The following GNPTAB variants were observed in gnomAD, a reference collection of about 807,000 sequenced individuals.
GNPTAB encodes the protein N-acetylglucosamine-1-phosphotransferase subunits alpha/beta.
Under a neutral mutation model 136.6 loss-of-function variants are expected in GNPTAB, and 92 were observed. The observed-to-expected ratio is 0.67, with a 90% CI of 0.57 to 0.80. The LOEUF is 0.80. Ranked by LOEUF, GNPTAB falls within the 30% of genes least tolerant of loss-of-function variation. The pLI, the probability that GNPTAB is intolerant of heterozygous loss-of-function variation, is 0.00. For missense variants in GNPTAB, 1,343 were observed against 1,501.8 expected (o/e 0.89, Z 1.75); for synonymous variants, 512 against 535.1 (o/e 0.96, Z 0.60).
At chr12:101,820,918 G>A (rs377566500) in intron 1 of GNPTAB, among the ~76,000 whole-genome samples, 16 of 152,116 alleles carry the variant, frequency 1.1e-4, no homozygotes, top group East Asian at 7.7e-4. Flanking sequence ...GTTGCTGGGC[G>A]TGGCAGTGCA....
intron 16 of GNPTAB, among the ~76,000 whole-genome samples, chr12:101,758,953 T>A (rs2137108962): frequency 6.6e-6 from 1 of 152,348 alleles, no homozygotes; most frequent in South Asian, 2.1e-4. Flanking sequence ...TAACCTACTG[T>A]CATTTCTGTT....
In GNPTAB at chr12:101,760,059, TTGG is replaced by T. The variant is rs1416737240; in HGVS notation, c.3217_3219del (p.Pro1073del). 1.3e-5 allele frequency: 21 copies of T among 1,611,992 alleles called. No homozygotes were observed. Among genetic ancestry groups the T allele is most frequent in the Non-Finnish European group, 1.5e-5 (18 of 1,178,230 alleles). On this transcript the variant is annotated inframe_deletion, in exon 16 of 21. Transcript: ENST00000299314. ...TTGGGATCATAGTAGGATTCCTGAG[TTGG>T]TGGAATATTATTTAGCTGCGTGATA...
In GNPTAB at chr12:101,830,916, G is replaced by GGCGGCCGGCGCC. The variant is rs1361850446; in HGVS notation, c.-253_-242dup. On this transcript the variant is annotated 5_prime_UTR_variant, in exon 1 of 21. Transcript: ENST00000299314. Reference sequence around the variant, plus strand: ...GCGGAGGCGGACCTGCGGCCGGCGAGGCGGCCGGCGCCGCCCGGGTCTGGC... The same window carrying GGCGGCCGGCGCC: ...GCGGAGGCGGACCTGCGGCCGGCGAGGCGGCCGGCGCCGCGGCCGGCGCCGCCCGGGTCTGGC... 4 of 147,508 alleles carry GGCGGCCGGCGCC rather than the reference G, an allele frequency of 2.7e-5. No individual in the cohort carries two copies. Among genetic ancestry groups the GGCGGCCGGCGCC allele is most frequent in the African/African-American group, 7.4e-5 (3 of 40,408 alleles). The allele number at this position is 147,508 out of a possible 1,614,324, so 9.1% of individuals were successfully genotyped here.
chr12:101,790,362 T>C (rs1381529273), intron 2 of GNPTAB, among the ~76,000 whole-genome samples: 3 of 152,040 alleles, frequency 2.0e-5, no homozygotes, highest in Non-Finnish European at 4.4e-5. Context: ...TGAAGTAGAG[T>C]AGTCTTGGAA....
At chr12:101,821,900 C>T (rs1355361119) in intron 1 of GNPTAB, among the ~76,000 whole-genome samples, 2 of 152,132 alleles carry the variant, frequency 1.3e-5, no homozygotes, top group African/African-American at 4.8e-5. Flanking sequence ...CCACATACAA[C>T]AAAGAACCAG....
intron 1 of GNPTAB, among the ~76,000 whole-genome samples, chr12:101,809,122 T>TA (rs1369658144): frequency 3.3e-5 from 5 of 151,714 alleles, no homozygotes; most frequent in Admixed American, 3.3e-4. Flanking sequence ...AAAAACTGGG[T>TA]AAAAAAATCT....
At chr12:101,789,907 C>A (rs1000099987) in intron 3 of GNPTAB, 31 bp downstream of exon 3, 1 of 1,605,584 alleles carries the variant, frequency 6.2e-7, no homozygotes, top group Non-Finnish European at 8.5e-7. Flanking sequence ...CCACATTACC[C>A]ATCTGATGTG....
intron 10 of GNPTAB, among the ~76,000 whole-genome samples, chr12:101,768,595 G>A (rs79616536): frequency 0.021 from 3,227 of 152,214 alleles, 51 homozygotes; most frequent in African/African-American, 0.039. Flanking sequence ...CTTGTCTCAA[G>A]GCTGAGAGAC....
intron 1 of GNPTAB, among the ~76,000 whole-genome samples, chr12:101,815,121 C>T (rs1041585542): frequency 6.6e-6 from 1 of 152,200 alleles, no homozygotes; most frequent in African/African-American, 2.4e-5. Context: ...GGCTGGAATG[C>T]AGTGGCATGA....
chr12:101,763,904 G>C (rs1953040987), intron 13 of GNPTAB, among the ~76,000 whole-genome samples: 1 of 152,168 alleles, frequency 6.6e-6, no homozygotes, highest in Non-Finnish European at 1.5e-5. Context: ...GTCAAGACAA[G>C]ACAACATGCC....
At position 101,752,780 on chromosome 12, in the gene GNPTAB, C is replaced by T. The variant is rs17031962; in HGVS notation, c.3602+592G>A. 0.022 allele frequency among the ~76,000 whole-genome samples: 3,343 copies of T among 152,318 alleles called. 340 individuals are homozygous for T. In the East Asian group the frequency reaches 0.31, roughly 14 times the overall value. Reference sequence around the variant, plus strand: ...CCTCTCATTTTATACTAAACAATCCCTTCACTTACACATTGGTCAACAAAC... The same window carrying T: ...CCTCTCATTTTATACTAAACAATCCTTTCACTTACACATTGGTCAACAAAC... On this transcript the variant is annotated intron_variant, in intron 19 of 20. Transcript: ENST00000299314.
At chr12:101,805,426 C>G (rs1869881564) in intron 1 of GNPTAB, among the ~76,000 whole-genome samples, 1 of 152,178 alleles carries the variant, frequency 6.6e-6, no homozygotes, top group African/African-American at 2.4e-5. Context: ...CTTGCTTTGT[C>G]ACCCAGGCTG....
At chr12:101,797,818 A>T (rs1869385534) in intron 1 of GNPTAB, among the ~76,000 whole-genome samples, 1 of 152,132 alleles carries the variant, frequency 6.6e-6, no homozygotes, top group Non-Finnish European at 1.5e-5. Context: ...TTTCTTTTTC[A>T]TTCCTCTTAC....
rs754258764 is a variant in GNPTAB, at chr12:101,770,150, T to G, written c.1155A>C (p.Ser385=). 108 of 1,613,968 alleles carry G rather than the reference T, an allele frequency of 6.7e-5. 1 individual carries two copies. The South Asian group carries it at 1.1e-3, about 17-fold the overall frequency. ...GATGAATGTGACTTTCAATAGCAGG[T>G]GAACTAAAGGTAGGCAAGTGGCTCA... ...RNLSHLPTFS[S]PAIESHIHRI... Residue 385 remains serine, a synonymous_variant, in exon 10 of 21, where the codon TCA becomes TCC. Transcript: ENST00000299314.
At chr12:101,791,152 G>A (rs1426102706) in intron 2 of GNPTAB, among the ~76,000 whole-genome samples, 1 of 152,150 alleles carries the variant, frequency 6.6e-6, no homozygotes, top group Non-Finnish European at 1.5e-5. Flanking sequence ...TCATAATAAA[G>A]AGTCAGGCAG....
intron 7 of GNPTAB, chr12:101,779,915 C>T (rs1168552505): frequency 3.7e-6 from 2 of 544,108 alleles, no homozygotes; most frequent in African/African-American, 3.8e-5. Context: ...ATTGTAGGAG[C>T]TCATCTGTTA....
In GNPTAB at chr12:101,749,087, T is replaced by G. The variant is rs746489002; in HGVS notation, c.3693+14A>C. 2 of 1,414,006 alleles carry G rather than the reference T, an allele frequency of 1.4e-6. No individual in the cohort carries two copies. The highest frequency in any genetic ancestry group is 1.7e-5 in the Admixed American group (1 of 59,724). The allele number at this position is 1,414,006 out of a possible 1,614,324, so 87.6% of individuals were successfully genotyped here. A position where few individuals can be genotyped will look rare whatever the true frequency, so the allele number is the denominator to read the frequency against. ...AATACCATTTAATACCCACATAAAA[T>G]ATATAAAACTTACCTGCTCAGCAAA... On this transcript the variant is annotated intron_variant, in intron 20 of 20. Coordinates refer to ENST00000299314, the MANE Select transcript of GNPTAB (RefSeq NM_024312.5).
In GNPTAB at chr12:101,760,150, A is replaced by G; in HGVS notation, c.3136-7T>C. The G allele has an allele frequency of 2.0e-6, 3 of 1,518,706 alleles. No homozygotes were observed. Among genetic ancestry groups the G allele is most frequent in the Non-Finnish European group, 2.7e-6 (3 of 1,093,322 alleles). The allele number at this position is 1,518,706 out of a possible 1,614,324, so 94.1% of individuals were successfully genotyped here. ...GTTCCAGACCTGTCAAATCCTAACA[A>G]AGAAAAAGATGATAAATCTGTTATG... On this transcript the variant is annotated splice_region_variant and splice_polypyrimidine_tract_variant and intron_variant, in intron 15 of 20. Transcript: ENST00000299314.
chr12:101,777,944 G>A (rs1953283435), intron 7 of GNPTAB, among the ~76,000 whole-genome samples: 1 of 152,198 alleles, frequency 6.6e-6, no homozygotes, highest in African/African-American at 2.4e-5. Context: ...TTAGCTTGAT[G>A]CTCTGAGAGG....
Sources: gnomAD v4.1 joint callset for allele counts (sites outside exome capture counted in the v4.1 genomes callset) on GRCh38, gnomAD v4.1.1 for gene constraint, MANE v1.5 for transcripts, NCBI Gene and HGNC (gene_info 2026-07-23, HGNC 2026-07-21) for gene names.